The following CCDC57 variants were observed in gnomAD, a reference collection of about 807,000 sequenced individuals.
The protein encoded by CCDC57 is coiled-coil domain-containing protein 57.
A neutral mutation model predicts 118.9 loss-of-function variants in CCDC57; 118 were observed. The observed-to-expected ratio is 0.99, with a 90% CI of 0.86 to 1.16. CCDC57 has a LOEUF of 1.16. Ranked by LOEUF, CCDC57 falls within the 50% of genes most tolerant of loss-of-function variation. CCDC57 has a pLI of 0.00. For synonymous variants in CCDC57, 527 were observed against 532.9 expected, an observed-to-expected ratio of 0.99 and a Z score of 0.15; for missense variants, 1,300 against 1,320.7, an observed-to-expected ratio of 0.98 and a Z score of 0.24.
chr17:82,133,777 C>T (rs1470087449), intron 17 of CCDC57, among the ~76,000 whole-genome samples: 4 of 151,830 alleles, frequency 2.6e-5, no homozygotes, highest in Non-Finnish European at 4.4e-5. Context: ...AGGAGAATTG[C>T]TTGAACCGGG....
chr17:82,151,036 CG>C, intron 16 of CCDC57, among the ~76,000 whole-genome samples: 1 of 86,340 alleles, frequency 1.2e-5, no homozygotes, highest in East Asian at 1.2e-3. Context: ...CAGAACCTGG[CG>C]CACACCCAGA....
chr17:82,203,201 C>G (rs2049200435), intron 2 of CCDC57, among the ~76,000 whole-genome samples: 1 of 152,110 alleles, frequency 6.6e-6, no homozygotes, highest in South Asian at 2.1e-4. Context: ...TGTGGCATCT[C>G]TCCACCACTC....
chr17:82,183,773 C>T lies in CCDC57; in HGVS notation c.1211+1G>A. The T allele has an allele frequency of 6.4e-6, 10 of 1,555,038 alleles. No homozygotes were observed. The highest frequency in any genetic ancestry group is 7.8e-6 in the Non-Finnish European group (9 of 1,148,606). Reference sequence around the variant, plus strand: ...GGAAACATCTGCCTGGGGACAGTTACCTTTCAATGTCCTGCTGGGATCGGG... The same window carrying T: ...GGAAACATCTGCCTGGGGACAGTTATCTTTCAATGTCCTGCTGGGATCGGG... On this transcript the variant is annotated splice_donor_variant, in intron 9 of 19. Transcript: ENST00000665763. LOFTEE classifies it high-confidence loss of function.
chr17:82,102,152 C>T (rs2034493575), intron 19 of CCDC57, among the ~76,000 whole-genome samples: 1 of 152,164 alleles, frequency 6.6e-6, no homozygotes, highest in South Asian at 2.1e-4. Flanking sequence ...CTGTTGTGAC[C>T]ATTTCGTAAT....
chr17:82,205,805 T>G (rs906622247), intron 2 of CCDC57, among the ~76,000 whole-genome samples: 1 of 152,132 alleles, frequency 6.6e-6, no homozygotes, highest in African/African-American at 2.4e-5. Flanking sequence ...GCCCAGCATC[T>G]CCAGCGCTTT....
At chr17:82,148,198 C>T (rs1277728077) in intron 16 of CCDC57, among the ~76,000 whole-genome samples, 7 of 19,186 alleles carry the variant, frequency 3.6e-4, no homozygotes, top group Admixed American at 9.8e-4. Flanking sequence ...TAGATGGGTG[C>T]GTGGATGGTA....
intron 19 of CCDC57, among the ~76,000 whole-genome samples, chr17:82,122,831 T>G (rs894831383): frequency 1.3e-5 from 2 of 152,238 alleles, no homozygotes; most frequent in African/African-American, 4.8e-5. Flanking sequence ...AGGCTTTACA[T>G]GACAGCTTGT....
At chr17:82,169,043 G>A (rs956355955) in intron 13 of CCDC57, among the ~76,000 whole-genome samples, 4 of 152,138 alleles carry the variant, frequency 2.6e-5, no homozygotes, top group African/African-American at 4.8e-5. Flanking sequence ...ACATCATACC[G>A]GAGAGTTTAG....
At chr17:82,112,549 A>G (rs752156810) in intron 19 of CCDC57, 1 of 152,278 alleles carries the variant, frequency 6.6e-6, no homozygotes, top group African/African-American at 2.4e-5. Flanking sequence ...TACAGACTCA[A>G]GAGAACCCTG....
intron 14 of CCDC57, among the ~76,000 whole-genome samples, chr17:82,158,426 G>A (rs1005332276): frequency 4.6e-5 from 7 of 152,166 alleles, no homozygotes; most frequent in African/African-American, 1.4e-4. Context: ...GGTGGCTCAC[G>A]CCTATAATCC....
At chr17:82,178,428 C>T (rs761466420) in intron 11 of CCDC57, 46 bp downstream of exon 10, 37 of 1,544,346 alleles carry the variant, frequency 2.4e-5, no homozygotes, top group South Asian at 1.2e-4. Flanking sequence ...ATTTTCCCAC[C>T]GCTGCTGTTG....
intron 2 of CCDC57, among the ~76,000 whole-genome samples, chr17:82,205,922 T>A (rs2049571339): frequency 6.6e-6 from 1 of 152,268 alleles, no homozygotes; most frequent in African/African-American, 2.4e-5. Flanking sequence ...CGGCCTGCTC[T>A]GTTTCTGTAC....
chr17:82,115,792 C>CT (rs35213711), intron 19 of CCDC57, among the ~76,000 whole-genome samples: 1,454 of 65,664 alleles, frequency 0.022, 24 homozygotes, highest in East Asian at 0.027. Flanking sequence ...TTTATGCAAC[C>CT]TTTTTTTTTT....
At chr17:82,140,812 G>A (rs1022182680) in intron 16 of CCDC57, among the ~76,000 whole-genome samples, 3 of 152,086 alleles carry the variant, frequency 2.0e-5, no homozygotes, top group African/African-American at 7.2e-5. Context: ...CGCCTGGCTT[G>A]TAGGATGGCA....
At chr17:82,188,750 G>T (rs1465677953) in intron 7 of CCDC57, among the ~76,000 whole-genome samples, 2 of 152,104 alleles carry the variant, frequency 1.3e-5, no homozygotes, top group Non-Finnish European at 2.9e-5. Flanking sequence ...ATCAACCTGC[G>T]AAAGCAAAAA....
chr17:82,127,768 G>A, exon 19 of CCDC57: 1 of 1,613,026 alleles, frequency 6.2e-7, no homozygotes. Context: ...TGTCCTGGAG[G>A]GTGCCACTGG....
In CCDC57 at chr17:82,172,086, T is replaced by G. The variant is rs1437813888; in HGVS notation, c.1730-233A>C. 6.6e-6 allele frequency among the ~76,000 whole-genome samples: 1 copy of G among 152,146 alleles called. No individual in the cohort carries two copies. The highest frequency in any genetic ancestry group is 1.9e-4 in the East Asian group (1 of 5,186). On this transcript the variant is annotated intron_variant, in intron 12 of 19. Transcript: ENST00000665763. This position sits in a 1 kb window ranked among gnomAD's most constrained non-coding sequence, Gnocchi z 5.2. ...GTGCCAGCCAGAGACCAGCACAGTC[T>G]CCATGCTCTCCAGGAAGGGCTCAGT...
chr17:82,201,561 G>C lies in CCDC57; in HGVS notation c.384C>G (p.Arg128=), dbSNP rs572960499. ...ACCTGTGGACGCGCTCCAGCTCCAGGCGATGCTCCTGGAATGCCAGCTGCT... is the reference window on the plus strand; with the variant it reads ...ACCTGTGGACGCGCTCCAGCTCCAGCCGATGCTCCTGGAATGCCAGCTGCT... Residue 128 remains arginine, a synonymous_variant, in exon 3 of 20, where the codon CGC becomes CGG. Transcript: ENST00000665763. 12 of 1,609,724 alleles carry C rather than the reference G, an allele frequency of 7.5e-6. No individual in the cohort carries two copies. In the South Asian group the frequency reaches 1.3e-4, roughly 18 times the overall value.
In CCDC57 at chr17:82,157,806, G is replaced by A. The variant is rs368564395; in HGVS notation, c.2183C>T (p.Ala728Val). The A allele has an allele frequency of 1.1e-5, 17 of 1,604,424 alleles. No individual in the cohort carries two copies. The highest frequency in any genetic ancestry group is 1.8e-4 in the Middle Eastern group (1 of 5,698). ...GGGCTGCTTCCTGCCTGAAGGCTCC[G>A]CTCCCCCGTGCTGGGCTATCCTGAG... is the stretch of plus-strand genomic sequence containing the variant. Residue 728 changes from alanine (A) to valine (V), a missense_variant, in exon 15 of 20, where the codon GCG (alanine) becomes GTG (valine). By Grantham distance (64) the Ala-to-Val change is moderately conservative. Transcript: ENST00000665763.
Sources: allele counts gnomAD v4.1 joint callset (sites outside exome capture counted in the v4.1 genomes callset), GRCh38; gene constraint gnomAD v4.1.1; non-coding constraint Gnocchi (gnomAD v3.1); transcripts MANE v1.5; gene names NCBI Gene and HGNC (gene_info 2026-07-23, HGNC 2026-07-21).